Variants in PFKFB3 observed in about 807,000 individuals in gnomAD.
The protein encoded by PFKFB3 is 6-phosphofructo-2-kinase/fructose-2,6-bisphosphatase 3.
Under a neutral mutation model 68.0 loss-of-function variants are expected in PFKFB3, and 33 were observed. That is an observed-to-expected ratio of 0.49 (90% CI 0.37 to 0.65). The LOEUF is 0.65. Among genes scored for constraint, PFKFB3 ranks in the 30% least tolerant of loss-of-function variants. PFKFB3 has a pLI of 0.00. For missense variants in PFKFB3, 586 were observed against 712.2 expected, an observed-to-expected ratio of 0.82 and a Z score of 2.02; for synonymous variants, 315 against 288.2, an observed-to-expected ratio of 1.09 and a Z score of -0.94.
chr10:6,185,109 A>G (rs1842834006), intron 1 of PFKFB3, among the ~76,000 whole-genome samples: 1 of 152,250 alleles, frequency 6.6e-6, no homozygotes, highest in Non-Finnish European at 1.5e-5. Context: ...TGAGGACACT[A>G]GAGGAAGAAG....
intron 14 of PFKFB3, among the ~76,000 whole-genome samples, chr10:6,252,814 T>A (rs1213769893): frequency 6.6e-6 from 1 of 152,258 alleles, no homozygotes; most frequent in Non-Finnish European, 1.5e-5. Flanking sequence ...ACTAGAAGGA[T>A]ACATAGCACA....
At chr10:6,265,081 C>CCT in the PFKFB3 span, among the ~76,000 whole-genome samples, 1 of 76,634 alleles carries the variant, frequency 1.3e-5, no homozygotes. Context: ...CTTTTTCTTT[C>CCT]ATTTTTTTTT....
At chr10:6,246,244 A>G (rs1299838451) in intron 14 of PFKFB3, among the ~76,000 whole-genome samples, 1 of 152,232 alleles carries the variant, frequency 6.6e-6, no homozygotes, top group Non-Finnish European at 1.5e-5. Flanking sequence ...TTAAAAACAC[A>G]GAACACAATC....
At chr10:6,178,263 C>T (rs1842591339) in intron 1 of PFKFB3, among the ~76,000 whole-genome samples, 1 of 152,158 alleles carries the variant, frequency 6.6e-6, no homozygotes, top group South Asian at 2.1e-4. Flanking sequence ...TCATTCATTC[C>T]TCCTCCACTC....
chr10:6,209,140 C>G (rs1356980816), intron 1 of PFKFB3, among the ~76,000 whole-genome samples: 2 of 152,188 alleles, frequency 1.3e-5, no homozygotes, highest in African/African-American at 4.8e-5. Context: ...AAGTTCCGTG[C>G]CTGGGACTTG....
At chr10:6,300,127 G>T in the PFKFB3 span, among the ~76,000 whole-genome samples, 1 of 151,944 alleles carries the variant, frequency 6.6e-6, no homozygotes, top group East Asian at 1.9e-4. Flanking sequence ...CTGGTTCTGT[G>T]GTTGTTGGGT....
the PFKFB3 span, among the ~76,000 whole-genome samples, chr10:6,302,362 G>GTTTTT: frequency 3.8e-5 from 3 of 78,494 alleles, no homozygotes; most frequent in Admixed American, 3.0e-4. Context: ...TGCCTGGCCA[G>GTTTTT]TTTTTTTTTT....
chr10:6,295,700 C>A, the PFKFB3 span, among the ~76,000 whole-genome samples: 2 of 152,092 alleles, frequency 1.3e-5, no homozygotes, highest in African/African-American at 4.8e-5. Context: ...TTGGTAAAAC[C>A]CCAGTAGGTT....
chr10:6,313,024 C>T, the PFKFB3 span, among the ~76,000 whole-genome samples: 1,066 of 152,318 alleles, frequency 7.0e-3, 19 homozygotes, highest in African/African-American at 0.024. This position sits in a 1 kb window ranked among gnomAD's most constrained non-coding sequence, Gnocchi z 4.2. Context: ...ACTGTATGAA[C>T]TGGGGGGTAG....
At chr10:6,263,778 T>C in the PFKFB3 span, among the ~76,000 whole-genome samples, 17 of 152,326 alleles carry the variant, frequency 1.1e-4, no homozygotes, top group Admixed American at 9.2e-4. Context: ...CTCTGCCTCC[T>C]GGGCCTAAAC....
intron 1 of PFKFB3, among the ~76,000 whole-genome samples, chr10:6,188,098 CAGAG>C (rs1488480844): frequency 1.3e-5 from 2 of 151,614 alleles, no homozygotes; most frequent in Admixed American, 6.6e-5. Context: ...TGTCTGAAGA[CAGAG>C]AGAAATATAT....
chr10:6,183,386 T>TGC (rs1293474557), intron 1 of PFKFB3, among the ~76,000 whole-genome samples: 2 of 152,078 alleles, frequency 1.3e-5, no homozygotes, highest in Non-Finnish European at 2.9e-5. Flanking sequence ...CTGCTTCCTG[T>TGC]GCACCTGTCT....
intron 1 of PFKFB3, among the ~76,000 whole-genome samples, chr10:6,195,152 G>A (rs771168721): frequency 5.3e-5 from 8 of 152,162 alleles, no homozygotes; most frequent in South Asian, 4.1e-4. Context: ...GATTACAGGC[G>A]TGAGCCACTG....
chr10:6,192,871 T>TC (rs1843071847), intron 1 of PFKFB3, among the ~76,000 whole-genome samples: 1 of 152,170 alleles, frequency 6.6e-6, no homozygotes, highest in Admixed American at 6.6e-5. Flanking sequence ...TTATAGTTTT[T>TC]CCAAAAGTGC....
intron 1 of PFKFB3, among the ~76,000 whole-genome samples, chr10:6,172,906 G>C (rs1175263519): frequency 3.9e-5 from 6 of 152,046 alleles, no homozygotes; most frequent in Non-Finnish European, 8.8e-5. Flanking sequence ...CAGTGCTGGG[G>C]CGCATCTGTC....
At chr10:6,325,239 C>G in the PFKFB3 span, among the ~76,000 whole-genome samples, 2 of 152,228 alleles carry the variant, frequency 1.3e-5, no homozygotes, top group African/African-American at 2.4e-5. Flanking sequence ...GCTGAGATTA[C>G]AGGTGTGAAC....
At chr10:6,310,774 GTAAA>G in the PFKFB3 span, among the ~76,000 whole-genome samples, 3 of 152,222 alleles carry the variant, frequency 2.0e-5, no homozygotes, top group African/African-American at 7.2e-5. Context: ...ATGTATGCTC[GTAAA>G]TAAAGAGGGA....
intron 1 of PFKFB3, among the ~76,000 whole-genome samples, chr10:6,188,669 C>T (rs1292218823): frequency 2.6e-5 from 4 of 151,822 alleles, no homozygotes; most frequent in Admixed American, 6.6e-5. Flanking sequence ...CTGCCCCTGA[C>T]GTCCCCCGTT....
At chr10:6,274,268 T>C in the PFKFB3 span, among the ~76,000 whole-genome samples, 5 of 152,112 alleles carry the variant, frequency 3.3e-5, no homozygotes, top group African/African-American at 1.2e-4. Context: ...TGCGACATCC[T>C]CAGCACACTA....
Sources: allele counts gnomAD v4.1 joint callset (sites outside exome capture counted in the v4.1 genomes callset), GRCh38; gene constraint gnomAD v4.1.1; non-coding constraint Gnocchi (gnomAD v3.1); transcripts MANE v1.5; gene names NCBI Gene and HGNC (gene_info 2026-07-23, HGNC 2026-07-21).